DERA: variants seen among roughly 807,000 people sequenced by gnomAD.
DERA encodes the protein 2-deoxy-D-ribose 5-phosphate aldolase.
DERA carries 15 observed loss-of-function variants against 41.1 expected under a neutral mutation model. The observed-to-expected ratio is 0.37, with a 90% CI of 0.24 to 0.56. The LOEUF (loss-of-function observed/expected upper bound fraction) is 0.56. DERA is among the 20% of genes least tolerant of loss of function. The pLI, the probability that DERA is intolerant of heterozygous loss-of-function variation, is 0.81. For synonymous variants in DERA, 139 were observed against 137.4 expected (o/e 1.01, Z -0.08); for missense variants, 396 against 403.4 (o/e 0.98, Z 0.16).
intron 6 of DERA, among the ~76,000 whole-genome samples, chr12:16,025,663 C>A (rs549745707): frequency 6.6e-6 from 1 of 152,214 alleles, no homozygotes; most frequent in Admixed American, 6.5e-5. Flanking sequence ...AGAATAACAG[C>A]AAGGATATAG....
Position 15,972,259 on chromosome 12 carries a change from C to A in DERA, c.508+9312C>A. The A allele has an allele frequency of 6.2e-6, 1 of 160,408 alleles. No homozygotes were observed. The allele number at this position is 160,408 out of a possible 1,614,324, so 9.9% of individuals were successfully genotyped here. On this transcript the variant is annotated intron_variant, in intron 5 of 8. Transcript: ENST00000428559. The surrounding 1 kb of genome is among the most constrained non-coding windows in gnomAD (Gnocchi z 4.4). ...AAGCCACCATTGCCTTGGACCTCTC[C>A]TTGACATAGTATTTTCCCAGTGGCT...
chr12:15,956,265 G>A (rs532511880), intron 1 of DERA, among the ~76,000 whole-genome samples: 1 of 152,214 alleles, frequency 6.6e-6, no homozygotes, highest in African/African-American at 2.4e-5. Flanking sequence ...CAGTTAACTG[G>A]AAGAGAAGAG....
Position 15,960,207 on chromosome 12 carries a change from T to TACACAC in DERA, c.373+297_373+302dup, listed in dbSNP as rs537447371. The stretch of plus-strand genomic sequence containing the variant: ...GCATGACATATAGTATATATATATA[T>TACACAC]ACACACACACACACACACATATACA... On this transcript the variant is annotated intron_variant, in intron 4 of 8. Coordinates refer to ENST00000428559, the MANE Select transcript of DERA (RefSeq NM_015954.4). Among the ~76,000 whole-genome samples, 4 of 145,550 alleles carry TACACAC rather than the reference T, an allele frequency of 2.7e-5. No homozygotes were observed. The East Asian group carries it at 7.9e-4, about 29-fold the overall frequency.
chr12:15,960,713 T>C (rs1423902940), intron 4 of DERA, among the ~76,000 whole-genome samples: 1 of 143,710 alleles, frequency 7.0e-6, no homozygotes, highest in Non-Finnish European at 1.5e-5. Context: ...GGGAATGATA[T>C]ATTCTGCAGA....
chr12:15,988,664 C>A lies in DERA; in HGVS notation c.637+6228C>A, dbSNP rs979165601. On this transcript the variant is annotated intron_variant, in intron 6 of 8. Coordinates refer to ENST00000428559, the MANE Select transcript of DERA (RefSeq NM_015954.4). The surrounding 1 kb of genome is among the most constrained non-coding windows in gnomAD (Gnocchi z 6.0). ...TTCTCACTCCAGGCTGTGGCCTTCA[C>A]TCAGACCTGGCAGCCTGGTTCCCAG... Among the ~76,000 whole-genome samples the A allele has an allele frequency of 1.3e-5, 2 of 152,184 alleles. No individual in the cohort carries two copies. The highest frequency in any genetic ancestry group is 2.9e-5 in the Non-Finnish European group (2 of 68,024).
chr12:15,928,518 A>T lies in DERA; in HGVS notation c.31+17104A>T, dbSNP rs1948303818. The stretch of plus-strand genomic sequence containing the variant: ...GCACAGGAAAAGGCTAAGGGCTGAG[A>T]TCACCCTGTTTGGACTACTTAACCC... On this transcript the variant is annotated intron_variant, in intron 1 of 8. Transcript: ENST00000428559. The surrounding 1 kb of genome is among the most constrained non-coding windows in gnomAD (Gnocchi z 4.6). Among the ~76,000 whole-genome samples the T allele has an allele frequency of 6.6e-6, 1 of 152,196 alleles. No individual in the cohort carries two copies. The highest frequency in any genetic ancestry group is 6.5e-5 in the Admixed American group (1 of 15,284).
At chr12:15,980,673 A>C (rs1209145879) in intron 5 of DERA, among the ~76,000 whole-genome samples, 3 of 152,156 alleles carry the variant, frequency 2.0e-5, no homozygotes, top group Non-Finnish European at 1.5e-5. Context: ...GGCATCTCAG[A>C]TCATCCCTAG....
At position 15,975,995 on chromosome 12, in the gene DERA, G is replaced by C. The variant is rs111318431; in HGVS notation, c.509-6313G>C. ...TGTTTCTAGGCCCTCTTGTCAGACA[G>C]ATCTAGTAAATACATGAACGTACAC... On this transcript the variant is annotated intron_variant, in intron 5 of 8. Transcript: ENST00000428559. 2.7e-3 allele frequency among the ~76,000 whole-genome samples: 409 copies of C among 152,276 alleles called. 4 individuals carry two copies. Among genetic ancestry groups the C allele is most frequent in the African/African-American group, 9.3e-3 (386 of 41,556 alleles).
intron 4 of DERA, among the ~76,000 whole-genome samples, chr12:15,961,709 A>G (rs956832900): frequency 2.6e-5 from 4 of 152,174 alleles, no homozygotes; most frequent in Non-Finnish European, 4.4e-5. Flanking sequence ...ACAGAGAAAC[A>G]TGCTTTCCTC....
At chr12:15,962,202 AC>A (rs1427330298) in intron 4 of DERA, among the ~76,000 whole-genome samples, 5 of 151,532 alleles carry the variant, frequency 3.3e-5, no homozygotes, top group Non-Finnish European at 5.9e-5. Flanking sequence ...GCTCTTCCCA[AC>A]CCTGCCCCTG....
intron 5 of DERA, among the ~76,000 whole-genome samples, chr12:15,964,125 A>G (rs983476275): frequency 2.0e-5 from 3 of 152,104 alleles, no homozygotes; most frequent in Non-Finnish European, 4.4e-5. Flanking sequence ...TGTCAAGGGC[A>G]CTTCATTGTC....
intron 1 of DERA, among the ~76,000 whole-genome samples, chr12:15,937,956 T>G (rs1482528946): frequency 6.6e-6 from 1 of 152,228 alleles, no homozygotes; most frequent in Admixed American, 6.5e-5. Flanking sequence ...TGGGCTGTTA[T>G]TAATGAAGTA....
chr12:15,950,269 T>A (rs1948487591), intron 1 of DERA, among the ~76,000 whole-genome samples: 1 of 152,242 alleles, frequency 6.6e-6, no homozygotes, highest in Non-Finnish European at 1.5e-5. Flanking sequence ...TTCCTGATTA[T>A]ATGCTAAACA....
rs996155759 is a variant in DERA, at chr12:15,965,002, T to C, written c.508+2055T>C. On this transcript the variant is annotated intron_variant, in intron 5 of 8. Coordinates refer to ENST00000428559, the MANE Select transcript of DERA (RefSeq NM_015954.4). The surrounding 1 kb of genome is among the most constrained non-coding windows in gnomAD (Gnocchi z 4.1). ...TTAATAACCTCTTGACCCAAACAAA[T>C]TGAAAAGGAACATTTAATACTAGAA... 2.6e-5 allele frequency among the ~76,000 whole-genome samples: 4 copies of C among 152,312 alleles called. No individual in the cohort carries two copies. Among genetic ancestry groups the C allele is most frequent in the Admixed American group, 6.5e-5 (1 of 15,296 alleles).
intron 5 of DERA, among the ~76,000 whole-genome samples, chr12:15,980,709 A>G (rs1471643784): frequency 6.6e-6 from 1 of 152,090 alleles, no homozygotes; most frequent in Non-Finnish European, 1.5e-5. Flanking sequence ...GTTATTAAGG[A>G]TCTGTGAAAA....
rs767956059 is a variant in DERA, at chr12:15,915,329, T to C, written c.31+3915T>C. Among the ~76,000 whole-genome samples the C allele has an allele frequency of 3.3e-5, 5 of 152,222 alleles. No individual in the cohort carries two copies. Among genetic ancestry groups the C allele is most frequent in the African/African-American group, 4.8e-5 (2 of 41,460 alleles). On this transcript the variant is annotated intron_variant, in intron 1 of 8. Transcript: ENST00000428559. This position sits in a 1 kb window ranked among gnomAD's most constrained non-coding sequence, Gnocchi z 4.8. The stretch of plus-strand genomic sequence containing the variant: ...TAAAAGAACCTATGAATTAGGGATT[T>C]AGGGAGCTCATTTTTGGCATTCCTG...
chr12:15,974,524 T>A (rs1246429274), intron 5 of DERA, among the ~76,000 whole-genome samples: 2 of 152,228 alleles, frequency 1.3e-5, no homozygotes, highest in Non-Finnish European at 2.9e-5. Flanking sequence ...TCCGTTCTTC[T>A]CAATGCATTA....
Position 16,036,371 on chromosome 12 carries a change from T to C in DERA, c.890T>C (p.Ile297Thr), listed in dbSNP as rs200484769. ...RIGASTLLSD[I>T]ERQIYHHVTG... is the part of the protein sequence containing the mutation. ...GGTGCCAGTACTCTGCTCTCGGACATTGAGAGGCAGGTGAGTAATCATCTC... is the reference window on the plus strand; with the variant it reads ...GGTGCCAGTACTCTGCTCTCGGACACTGAGAGGCAGGTGAGTAATCATCTC... Residue 297 changes from isoleucine to threonine, a missense_variant, in exon 8 of 9, where the codon ATT becomes ACT. Ile to Thr is a moderately conservative substitution (Grantham distance 89). Transcript: ENST00000428559. The surrounding 1 kb of genome is among the most constrained non-coding windows in gnomAD (Gnocchi z 4.9). The C allele has an allele frequency of 3.1e-5, 49 of 1,598,822 alleles. No individual in the cohort carries two copies. The highest frequency in any genetic ancestry group is 4.1e-5 in the Non-Finnish European group (48 of 1,174,886).
At chr12:15,951,808 A>G (rs1948499754) in intron 1 of DERA, among the ~76,000 whole-genome samples, 1 of 152,204 alleles carries the variant, frequency 6.6e-6, no homozygotes, top group Non-Finnish European at 1.5e-5. Context: ...GTTTTATTTT[A>G]AAAAGCACAC....
Sources: allele counts gnomAD v4.1 joint callset (sites outside exome capture counted in the v4.1 genomes callset), GRCh38; gene constraint gnomAD v4.1.1; non-coding constraint Gnocchi (gnomAD v3.1); transcripts MANE v1.5; gene names NCBI Gene and HGNC (gene_info 2026-07-23, HGNC 2026-07-21).